PDCD6: variants seen among roughly 807,000 people sequenced by gnomAD.
PDCD6 encodes the protein programmed cell death 6.
PDCD6 carries 12 observed loss-of-function variants against 28.3 expected under a neutral mutation model. That is an observed-to-expected ratio of 0.42 (90% confidence interval 0.27 to 0.69). The LOEUF (loss-of-function observed/expected upper bound fraction) is 0.69, where lower values mean the gene tolerates loss of function less well. PDCD6 is among the 30% of genes least tolerant of loss of function. PDCD6 has a pLI of 0.22. For missense variants in PDCD6, 226 were observed against 269.9 expected (o/e 0.84, Z 1.14); for synonymous variants, 92 against 108.0 (o/e 0.85, Z 0.92).
At position 314,783 on chromosome 5, in the gene PDCD6, A is replaced by C; in HGVS notation, c.*268A>C. The stretch of plus-strand genomic sequence containing the variant: ...GTAATGTTTCAGGCATTCTGCTTGC[A>C]AAAAAATCTATCATGTGCTTTTCTA... On this transcript the variant is annotated 3_prime_UTR_variant, in exon 6 of 6. Coordinates refer to ENST00000264933, the MANE Select transcript of PDCD6 (RefSeq NM_013232.4). 1.9e-6 allele frequency: 1 copy of C among 528,304 alleles called. No homozygotes were observed. Among genetic ancestry groups the C allele is most frequent in the East Asian group, 3.5e-5 (1 of 28,396 alleles). The allele number at this position is 528,304 out of a possible 1,614,324, so 32.7% of individuals were successfully genotyped here. A position where few individuals can be genotyped will look rare whatever the true frequency, so the allele number is the denominator to read the frequency against.
intron 5 of PDCD6, among the ~76,000 whole-genome samples, chr5:312,855 C>T (rs192728841): frequency 9.3e-5 from 14 of 151,264 alleles, no homozygotes; most frequent in Admixed American, 2.0e-4. Flanking sequence ...TGTAAAATCT[C>T]GTTCTGTGTC....
intron 2 of PDCD6, among the ~76,000 whole-genome samples, chr5:280,839 T>C (rs967134472): frequency 6.7e-6 from 1 of 148,416 alleles, no homozygotes; most frequent in African/African-American, 2.5e-5. Context: ...GGGGAGACCA[T>C]AGACCAGGGT....
At chr5:314,275 C>G (rs1560868071) in intron 5 of PDCD6, 142 bp from the exon 6 acceptor site, 1 of 621,584 alleles carries the variant, frequency 1.6e-6, no homozygotes, top group Non-Finnish European at 2.9e-6. Flanking sequence ...TCCAGCCCCA[C>G]CTGCGCCTCC....
At chr5:279,486 C>G (rs1209375056) in intron 2 of PDCD6, among the ~76,000 whole-genome samples, 2 of 152,134 alleles carry the variant, frequency 1.3e-5, no homozygotes, top group African/African-American at 4.8e-5. Flanking sequence ...CAAGGCCAGA[C>G]TAGATCAGCC....
intron 2 of PDCD6, chr5:290,310 C>G: frequency 7.6e-7 from 1 of 1,321,750 alleles, no homozygotes; most frequent in Non-Finnish European, 1.1e-6. Flanking sequence ...CCTGGAGACT[C>G]TCAACGTCCA....
chr5:289,038 G>T, intron 2 of PDCD6: 1 of 1,269,008 alleles, frequency 7.9e-7, no homozygotes, highest in Non-Finnish European at 1.2e-6. Context: ...AGACACATCA[G>T]ATTCCTCCAT....
intron 5 of PDCD6, 45 bp downstream of exon 5, chr5:311,447 G>A (rs6555159): frequency 0.079 from 106,060 of 1,344,540 alleles, 11,450 homozygotes; most frequent in African/African-American, 0.51. Flanking sequence ...GGTGGGAGGG[G>A]CTTGCTTGCC....
intron 2 of PDCD6, among the ~76,000 whole-genome samples, chr5:286,200 G>C (rs1431836962): frequency 2.0e-5 from 3 of 151,554 alleles, no homozygotes; most frequent in African/African-American, 7.3e-5. Context: ...GGGAGCTGAT[G>C]TTCCGGTTTG....
intron 2 of PDCD6, among the ~76,000 whole-genome samples, chr5:292,010 C>A (rs538322269): frequency 1.3e-5 from 2 of 152,176 alleles, no homozygotes; most frequent in African/African-American, 2.4e-5. Context: ...ACTTCACAAC[C>A]GTTCTTAGCA....
intron 2 of PDCD6, among the ~76,000 whole-genome samples, chr5:299,607 T>G (rs1739893985): frequency 6.6e-6 from 1 of 151,874 alleles, no homozygotes; most frequent in African/African-American, 2.4e-5. Context: ...TGGAGTCCAG[T>G]GGTGCAATCT....
rs572367269 is a variant in PDCD6, at chr5:292,186, G to T, written c.164-11991G>T. ...GCCATTCCTCCACATTTCCTCTTCT[G>T]TGGAGGGCCAGTTCAGCTCTTTTCC... On this transcript the variant is annotated intron_variant, in intron 2 of 5. Coordinates refer to ENST00000264933, the MANE Select transcript of PDCD6 (RefSeq NM_013232.4). 5.9e-5 allele frequency among the ~76,000 whole-genome samples: 9 copies of T among 152,246 alleles called. No individual in the cohort carries two copies. In the South Asian group the frequency reaches 1.9e-3, roughly 32 times the overall value.
At chr5:282,488 T>C (rs548240160) in intron 2 of PDCD6, among the ~76,000 whole-genome samples, 105 of 151,498 alleles carry the variant, frequency 6.9e-4, no homozygotes, top group East Asian at 1.2e-3. Flanking sequence ...TGTTCTAGAT[T>C]GAGGATCATG....
At chr5:301,600 T>A (rs1740054070) in intron 2 of PDCD6, among the ~76,000 whole-genome samples, 1 of 152,268 alleles carries the variant, frequency 6.6e-6, no homozygotes, top group Non-Finnish European at 1.5e-5. Context: ...CTGCTGTGTG[T>A]GTATGCCTCA....
At chr5:288,469 C>T (rs1359954020) in intron 2 of PDCD6, among the ~76,000 whole-genome samples, 1 of 151,020 alleles carries the variant, frequency 6.6e-6, no homozygotes, top group Non-Finnish European at 1.5e-5. Context: ...AGACAAAAAC[C>T]TTCTTTCATA....
Position 271,744 on chromosome 5 carries a change from C to G in PDCD6, c.24C>G (p.Pro8=), listed in dbSNP as rs781514333. 14 of 1,180,522 alleles carry G rather than the reference C, an allele frequency of 1.2e-5. No individual in the cohort carries two copies. In the Admixed American group the frequency reaches 3.3e-4, roughly 28 times the overall value. 73.1% of individuals were successfully genotyped at this position (1,180,522 alleles called of 1,614,324 possible). Residue 8 remains proline, a synonymous_variant, in exon 1 of 6, where the codon CCC becomes CCG. Transcript: ENST00000264933. ...CCATGGCCGCCTACTCTTACCGCCCCGGCCCTGGGGCCGGCCCTGGGCCTG... is the reference window on the plus strand; with the variant it reads ...CCATGGCCGCCTACTCTTACCGCCCGGGCCCTGGGGCCGGCCCTGGGCCTG... MAAYSYR[P]GPGAGPGPAA... is the part of the protein sequence containing the mutation.
chr5:311,528 G>GT, intron 5 of PDCD6, 126 bp downstream of exon 5: 1 of 657,138 alleles, frequency 1.5e-6, no homozygotes, highest in East Asian at 2.7e-5. Context: ...GCTTATAAAA[G>GT]TGAGTCTCAT....
chr5:293,248 A>C (rs774733682), intron 2 of PDCD6, among the ~76,000 whole-genome samples: 1 of 152,206 alleles, frequency 6.6e-6, no homozygotes, highest in Non-Finnish European at 1.5e-5. Flanking sequence ...AGACGGGAAC[A>C]GCACAGGGCA....
chr5:293,271 A>G (rs1172163311), intron 2 of PDCD6, among the ~76,000 whole-genome samples: 1 of 152,058 alleles, frequency 6.6e-6, no homozygotes, highest in Non-Finnish European at 1.5e-5. Flanking sequence ...GGGAGCTGCA[A>G]ACACCCACGA....
intron 2 of PDCD6, chr5:290,053 A>G: frequency 6.3e-7 from 1 of 1,588,046 alleles, no homozygotes; most frequent in Non-Finnish European, 8.6e-7. Flanking sequence ...AAATCCAGTG[A>G]CAATTCTCAG....
Sources: gnomAD v4.1 joint callset for allele counts (sites outside exome capture counted in the v4.1 genomes callset) on GRCh38, gnomAD v4.1.1 for gene constraint, MANE v1.5 for transcripts, NCBI Gene and HGNC (gene_info 2026-07-23, HGNC 2026-07-21) for gene names.